VILL: variants seen among roughly 807,000 people sequenced by gnomAD.
VILL encodes the protein villin like, also known as villin-like protein.
Under a neutral mutation model 106.3 loss-of-function variants are expected in VILL, and 102 were observed. That is an observed-to-expected ratio of 0.96 (90% confidence interval 0.82 to 1.13). The LOEUF (loss-of-function observed/expected upper bound fraction) is 1.13. Among genes scored for constraint, VILL ranks in the 50% most tolerant of loss-of-function variants. VILL has a pLI of 0.00. For missense variants in VILL, 1,076 were observed against 1,116.6 expected (o/e 0.96, Z 0.52); for synonymous variants, 431 against 440.3 (o/e 0.98, Z 0.27).
Position 37,994,079 on chromosome 3 carries a change from G to A in VILL, c.135+107G>A, listed in dbSNP as rs766531542. ...CCTGGGAAGCGGCAAGTTGAGAGCCGGAGAATCACATCCCACAAGGGGGCG... is the reference window on the plus strand; with the variant it reads ...CCTGGGAAGCGGCAAGTTGAGAGCCAGAGAATCACATCCCACAAGGGGGCG... On this transcript the variant is annotated intron_variant, in intron 3 of 19. Transcript: ENST00000383759. 3.1e-5 allele frequency: 46 copies of A among 1,487,624 alleles called. No homozygotes were observed. The East Asian group carries it at 5.0e-4, about 16-fold the overall frequency. The allele number at this position is 1,487,624 out of a possible 1,614,324, so 92.2% of individuals were successfully genotyped here.
At chr3:37,999,154 GCCGGA>G in intron 10 of VILL, 104 bp downstream of exon 10, 1 of 549,280 alleles carries the variant, frequency 1.8e-6, no homozygotes, top group Non-Finnish European at 2.9e-6. Context: ...GCGGGGCGGG[GCCGGA>G]GGGGGCGGGG....
chr3:37,998,432 C>T lies in VILL; in HGVS notation c.942+68C>T, dbSNP rs979001785. 1.5e-5 allele frequency: 21 copies of T among 1,441,284 alleles called. No homozygotes were observed. The highest frequency in any genetic ancestry group is 3.7e-4 in the Middle Eastern group (2 of 5,400). The allele number at this position is 1,441,284 out of a possible 1,614,324, so 89.3% of individuals were successfully genotyped here. A position where few individuals can be genotyped will look rare whatever the true frequency, so the allele number is the denominator to read the frequency against. ...TGGGGTCTGAGTGGGGAGGCAGCTC[C>T]GCCCCAGGGTCTAAGGGAGGAATCA... On this transcript the variant is annotated intron_variant, in intron 9 of 19. Transcript: ENST00000383759. This position sits in a 1 kb window ranked among gnomAD's most constrained non-coding sequence, Gnocchi z 4.1.
In VILL at chr3:37,999,353, G is replaced by A. The variant is rs1699771950; in HGVS notation, c.1096G>A (p.Val366Ile). Residue 366 changes from valine (V) to isoleucine (I), a missense_variant, in exon 11 of 20, where the codon GTA (valine) becomes ATA (isoleucine). Coordinates refer to ENST00000383759, the MANE Select transcript of VILL (RefSeq NM_015873.4). ...KLGGRDKSIHVKLDVGKLHTQ... is the reference protein window; with the variant it reads ...KLGGRDKSIHIKLDVGKLHTQ... ...CCCCCCTTCAGATAAATCGATTCAT[G>A]TAAAGCTGGACGTGGGCAAGCTGCA... 4.0e-6 allele frequency: 6 copies of A among 1,516,344 alleles called. No homozygotes were observed. Among genetic ancestry groups the A allele is most frequent in the Non-Finnish European group, 5.3e-6 (6 of 1,134,756 alleles). 93.9% of individuals were successfully genotyped at this position (1,516,344 alleles called of 1,614,324 possible).
intron 4 of VILL, among the ~76,000 whole-genome samples, chr3:37,994,804 A>G (rs1383371468): frequency 6.6e-6 from 1 of 152,194 alleles, no homozygotes; most frequent in Non-Finnish European, 1.5e-5. Context: ...CTTTGTCTAT[A>G]CATTTGCCTC....
Position 38,005,871 on chromosome 3 carries a change from C to T in VILL, c.2030C>T (p.Pro677Leu). Residue 677 changes from proline to leucine, a missense_variant, in exon 17 of 20, where the codon CCA (proline) becomes CTA (leucine). Transcript: ENST00000383759. ...AWGQEYLKTH[P>L]AGRSPATPIV... ...GGCCAGGAGTACCTGAAGACTCACC[C>T]AGCAGGGAGGAGCCCGGCCACACCC... 1 of 1,614,146 alleles carries T rather than the reference C, an allele frequency of 6.2e-7. No individual in the cohort carries two copies. The highest frequency in any genetic ancestry group is 8.5e-7 in the Non-Finnish European group (1 of 1,180,010).
intron 13 of VILL, 114 bp downstream of exon 13, chr3:38,001,974 C>G (rs1056630835): frequency 6.6e-7 from 1 of 1,514,822 alleles, no homozygotes; most frequent in Non-Finnish European, 8.9e-7. Context: ...TTATCATCCC[C>G]TAGTTTCCCA....
intron 19 of VILL, 35 bp downstream of exon 19, chr3:38,006,735 T>C: frequency 6.4e-7 from 1 of 1,574,648 alleles, no homozygotes; most frequent in South Asian, 1.2e-5. Context: ...CACTAGTGCA[T>C]CTGACACTGA....
chr3:37,990,296 G>A (rs1270691269), upstream of VILL, among the ~76,000 whole-genome samples: 1 of 152,208 alleles, frequency 6.6e-6, no homozygotes, highest in Non-Finnish European at 1.5e-5. The surrounding 1 kb of genome is among the most constrained non-coding windows in gnomAD (Gnocchi z 5.1). Flanking sequence ...GGTAGGGACA[G>A]CAGAAATATC....
chr3:37,995,377 G>A (rs1255695192), intron 4 of VILL, among the ~76,000 whole-genome samples: 1 of 152,226 alleles, frequency 6.6e-6, no homozygotes, highest in African/African-American at 2.4e-5. Flanking sequence ...AGATGGACAT[G>A]TGTGAATATC....
chr3:38,003,126 C>T lies in VILL; in HGVS notation c.1660-42C>T, dbSNP rs373832012. On this transcript the variant is annotated intron_variant, in intron 14 of 19. Coordinates refer to ENST00000383759, the MANE Select transcript of VILL (RefSeq NM_015873.4). ...CGGGACGTGGGGCCGGAGGTGAAGG[C>T]CCCTCCTCATGCAGGGCCTGAGCCA... 7.9e-5 allele frequency: 126 copies of T among 1,604,962 alleles called. No homozygotes were observed. In the African/African-American group the frequency reaches 1.5e-3, roughly 19 times the overall value.
chr3:37,993,607 C>T lies in VILL; in HGVS notation c.-66C>T. The T allele has an allele frequency of 6.6e-7, 1 of 1,514,260 alleles. No homozygotes were observed. Among genetic ancestry groups the T allele is most frequent in the Non-Finnish European group, 9.1e-7 (1 of 1,097,556 alleles). 93.8% of individuals were successfully genotyped at this position (1,514,260 alleles called of 1,614,324 possible). A position where few individuals can be genotyped will look rare whatever the true frequency, so the allele number is the denominator to read the frequency against. On this transcript the variant is annotated 5_prime_UTR_variant, in exon 2 of 20. Coordinates refer to ENST00000383759, the MANE Select transcript of VILL (RefSeq NM_015873.4). ...TGAAGTTGTACAGGTAGCCAGGTGTCGGTCTCCAGCCTGAGAACTCTGGCT... is the reference window on the plus strand; with the variant it reads ...TGAAGTTGTACAGGTAGCCAGGTGTTGGTCTCCAGCCTGAGAACTCTGGCT...
chr3:37,988,645 T>C (rs1274649709), upstream of VILL, among the ~76,000 whole-genome samples: 1 of 152,164 alleles, frequency 6.6e-6, no homozygotes, highest in Non-Finnish European at 1.5e-5. Context: ...GGTGGATCGC[T>C]GGAGGTCAGG....
intron 11 of VILL, among the ~76,000 whole-genome samples, chr3:38,000,608 G>A (rs1391859553): frequency 2.6e-5 from 4 of 152,206 alleles, no homozygotes; most frequent in African/African-American, 9.7e-5. Context: ...CAAGCACAAA[G>A]TCAGGGACAG....
At chr3:37,996,982 A>G in intron 5 of VILL, 95 bp from the exon 6 acceptor site, 1 of 1,082,954 alleles carries the variant, frequency 9.2e-7, no homozygotes, top group Non-Finnish European at 1.4e-6. Flanking sequence ...CCCAGTTTGC[A>G]TACAGCTTCA....
rs371518135 is a variant in VILL at position 37,997,512 on chromosome 3, C to G, written c.591C>G (p.Asp197Glu). Reference sequence around the variant, plus strand: ...TGGCTTTGACCTACAGCCTCCGGGACAGGGAACGTGGTGGTGGTCGTGCAC... The same window carrying G: ...TGGCTTTGACCTACAGCCTCCGGGAGAGGGAACGTGGTGGTGGTCGTGCAC... ...RGLALTYSLR[D>E]RERGGGRAQI... Residue 197 changes from aspartate to glutamate, a missense_variant, in exon 7 of 20, where the codon GAC becomes GAG. Coordinates refer to ENST00000383759, the MANE Select transcript of VILL (RefSeq NM_015873.4). This position sits in a 1 kb window ranked among gnomAD's most constrained non-coding sequence, Gnocchi z 4.7. 6.2e-7 allele frequency: 1 copy of G among 1,614,084 alleles called. No homozygotes were observed. The highest frequency in any genetic ancestry group is 2.2e-5 in the East Asian group (1 of 44,884).
At position 38,004,725 on chromosome 3, in the gene VILL, G is replaced by A. The variant is rs1699883121; in HGVS notation, c.1950+326G>A. On this transcript the variant is annotated intron_variant, in intron 16 of 19. Coordinates refer to ENST00000383759, the MANE Select transcript of VILL (RefSeq NM_015873.4). ...AGTGCCTGCGGCCGAGCATGTGTCG[G>A]TGCTGCATGAGTGACTGTGATTGGA... Among the ~76,000 whole-genome samples the A allele has an allele frequency of 2.6e-5, 4 of 152,234 alleles. No homozygotes were observed. In the South Asian group the frequency reaches 8.3e-4, roughly 32 times the overall value.
chr3:38,007,019 G>C lies in VILL; in HGVS notation c.2535G>C (p.Arg845Ser). Reference protein sequence around the residue: ...KEEFYSMATWRQRQEKKQLGF... With the variant: ...KEEFYSMATWSQRQEKKQLGF... ...AATTCTACAGCATGGCCACGTGGAG[G>C]CAGCGGCAGGAGAAAAAGCAGCTGG... The change falls in exon 20 of 20, where the codon AGG (arginine) becomes AGC (serine). Residue 845 changes from arginine (R) to serine (S), a missense_variant. Coordinates refer to ENST00000383759, the MANE Select transcript of VILL (RefSeq NM_015873.4). 6.2e-7 allele frequency: 1 copy of C among 1,614,118 alleles called. No homozygotes were observed. The highest frequency in any genetic ancestry group is 8.5e-7 in the Non-Finnish European group (1 of 1,180,016).
intron 14 of VILL, 147 bp from the exon 15 acceptor site, chr3:38,003,021 A>G: frequency 9.9e-7 from 1 of 1,011,572 alleles, no homozygotes; most frequent in Non-Finnish European, 1.4e-6. Flanking sequence ...GGTGAGGAAG[A>G]TGCCTTGTTC....
At chr3:37,993,444 C>G (rs995729553) in intron 1 of VILL, 143 bp from the exon 2 acceptor site, 3 of 531,508 alleles carry the variant, frequency 5.6e-6, no homozygotes, top group Non-Finnish European at 1.0e-5. Flanking sequence ...AAAAAATTGT[C>G]AAGTGTTTAT....
Sources: gnomAD v4.1 joint callset for allele counts (sites outside exome capture counted in the v4.1 genomes callset) on GRCh38, gnomAD v4.1.1 for gene constraint, Gnocchi (gnomAD v3.1) non-coding constraint, MANE v1.5 for transcripts, NCBI Gene and HGNC (gene_info 2026-07-23, HGNC 2026-07-21) for gene names.